FGF13: variants seen among roughly 807,000 people sequenced by gnomAD.
FGF13 encodes the protein fibroblast growth factor homologous factor 2.
FGF13 carries 2 observed loss-of-function variants against 19.5 expected under a neutral mutation model. The ratio of observed to expected loss-of-function variants is 0.10; its 90% CI spans 0.04 to 0.32. The LOEUF is 0.32. Among genes scored for constraint, FGF13 ranks in the 10% least tolerant of loss-of-function variants. FGF13 has a pLI of 1.00. For synonymous variants in FGF13, 72 were observed against 76.9 expected (o/e 0.94, Z 0.33); for missense variants, 113 against 192.7 (o/e 0.59, Z 2.45).
At chrX:139,087,702 G>A (rs1212844205) in intron 1 of FGF13, among the ~76,000 whole-genome samples, 1 of 111,439 alleles carries the variant, frequency 9.0e-6, no homozygotes, top group East Asian at 2.8e-4. Context: ...CTTTATTCCT[G>A]GGAAAGCTGA....
intron 1 of FGF13, among the ~76,000 whole-genome samples, chrX:139,179,836 T>A (rs1190124484): frequency 8.9e-6 from 1 of 112,934 alleles, no homozygotes; most frequent in African/African-American, 3.2e-5. Flanking sequence ...TTAATAAATG[T>A]TTGTTGAAGG....
At chrX:138,926,748 T>A (rs1327978302) in intron 1 of FGF13, among the ~76,000 whole-genome samples, 2 of 110,669 alleles carry the variant, frequency 1.8e-5, no homozygotes, top group Non-Finnish European at 3.8e-5. Flanking sequence ...AGATCAGGAG[T>A]TCAAGACCAA....
intron 1 of FGF13, among the ~76,000 whole-genome samples, chrX:139,048,563 G>GTT (rs754951194): frequency 1.0e-4 from 9 of 88,688 alleles, no homozygotes; most frequent in South Asian, 5.1e-4. Flanking sequence ...TACAGCTCTT[G>GTT]TTTTTTTTTT....
intron 1 of FGF13, among the ~76,000 whole-genome samples, chrX:138,888,476 T>C (rs1478241111): frequency 9.0e-6 from 1 of 110,752 alleles, no homozygotes; most frequent in Non-Finnish European, 1.9e-5. Flanking sequence ...TGCTCTACTG[T>C]TGGGTCTTCT....
At chrX:138,823,583 G>C (rs952879131) in intron 3 of FGF13, among the ~76,000 whole-genome samples, 1 of 111,899 alleles carries the variant, frequency 8.9e-6, no homozygotes, top group Non-Finnish European at 1.9e-5. Flanking sequence ...GAAAAGTCCT[G>C]CAACAATGGG....
intron 3 of FGF13, among the ~76,000 whole-genome samples, chrX:138,748,754 A>G (rs942718846): frequency 9.8e-5 from 11 of 111,769 alleles, no homozygotes; most frequent in Middle Eastern, 4.6e-3. Flanking sequence ...TGTTTTAAAA[A>G]CGGAAATCCA....
intron 1 of FGF13, among the ~76,000 whole-genome samples, chrX:139,141,195 C>T (rs1381042997): frequency 9.0e-6 from 1 of 110,535 alleles, no homozygotes; most frequent in African/African-American, 3.3e-5. Context: ...GCACTCCTCA[C>T]CATGTGATAT....
chrX:138,890,641 T>C (rs1216301165), intron 1 of FGF13, among the ~76,000 whole-genome samples: 1 of 112,097 alleles, frequency 8.9e-6, no homozygotes, highest in Non-Finnish European at 1.9e-5. Flanking sequence ...AGTTTTAGCA[T>C]TCTTTTTGCT....
At chrX:139,042,843 G>A (rs1361155274) in intron 1 of FGF13, among the ~76,000 whole-genome samples, 1 of 111,537 alleles carries the variant, frequency 9.0e-6, no homozygotes, top group Non-Finnish European at 1.9e-5. Context: ...ATGTATCGTG[G>A]ATTCTGATTA....
At chrX:138,914,733 T>C (rs2091609753) in intron 1 of FGF13, among the ~76,000 whole-genome samples, 1 of 109,759 alleles carries the variant, frequency 9.1e-6, no homozygotes, top group Admixed American at 9.7e-5. Flanking sequence ...CATGCTTATG[T>C]TGGAAAGGCC....
chrX:139,012,016 C>T (rs1208042417), intron 1 of FGF13, among the ~76,000 whole-genome samples: 1 of 111,475 alleles, frequency 9.0e-6, no homozygotes, highest in Non-Finnish European at 1.9e-5. Context: ...AATTAATGTA[C>T]ACAAATCAGT....
chrX:138,770,226 A>T lies in FGF13; in HGVS notation c.218-61298T>A, dbSNP rs969722076. On this transcript the variant is annotated intron_variant, in intron 3 of 6. Coordinates refer to the FGF13 transcript ENST00000436198. ...ATATTTTCGGCACTGGGGGGAATATAGCAGGAGCAATGTTACCCCACAGGG... is the reference window on the plus strand; with the variant it reads ...ATATTTTCGGCACTGGGGGGAATATTGCAGGAGCAATGTTACCCCACAGGG... Among the ~76,000 whole-genome samples, 3 of 111,681 alleles carry T rather than the reference A, an allele frequency of 2.7e-5. No individual in the cohort carries two copies. The Admixed American group carries it at 2.9e-4, about 11-fold the overall frequency.
intron 1 of FGF13, among the ~76,000 whole-genome samples, chrX:138,955,848 CCTTT>C (rs1372750241): frequency 8.9e-6 from 1 of 112,033 alleles, no homozygotes; most frequent in African/African-American, 3.2e-5. Context: ...CTGTGCACTG[CCTTT>C]CTACTTTCTT....
chrX:139,151,023 C>T (rs2083930574), intron 1 of FGF13, among the ~76,000 whole-genome samples: 1 of 109,969 alleles, frequency 9.1e-6, no homozygotes. Context: ...CCTAAGAGGA[C>T]ACAATCAGAT....
chrX:138,783,728 T>G (rs1480387577), intron 3 of FGF13, among the ~76,000 whole-genome samples: 1 of 106,279 alleles, frequency 9.4e-6, no homozygotes, highest in Non-Finnish European at 2.0e-5. Context: ...GACTGTCAAC[T>G]AGTTCAACCA....
At chrX:138,944,510 G>GA (rs60982420) in intron 1 of FGF13, among the ~76,000 whole-genome samples, 2,099 of 47,791 alleles carry the variant, frequency 0.044, 59 homozygotes, top group East Asian at 0.11. Flanking sequence ...CAAAAAAAAA[G>GA]AAAAAAAAAA....
chrX:139,008,887 C>G (rs892959445), intron 1 of FGF13, among the ~76,000 whole-genome samples: 3 of 111,600 alleles, frequency 2.7e-5, no homozygotes, highest in African/African-American at 9.8e-5. Context: ...TTCAGAAGGT[C>G]AATTATTAAG....
chrX:138,734,719 C>A (rs767759753), intron 1 of FGF13, among the ~76,000 whole-genome samples: 1 of 111,767 alleles, frequency 8.9e-6, no homozygotes, highest in Non-Finnish European at 1.9e-5. Context: ...AGTTCTAGTC[C>A]TCTGCTGCTT....
intron 1 of FGF13, among the ~76,000 whole-genome samples, chrX:139,062,589 C>G (rs1462872830): frequency 8.9e-6 from 1 of 111,996 alleles, no homozygotes. Context: ...GTGAAGAATG[C>G]CACTGGTACT....
Sources: allele counts gnomAD v4.1 joint callset (sites outside exome capture counted in the v4.1 genomes callset), GRCh38; gene constraint gnomAD v4.1.1; transcripts MANE v1.5; gene names NCBI Gene and HGNC (gene_info 2026-07-23, HGNC 2026-07-21).